The following NEMP2 variants were observed in gnomAD, a reference collection of about 807,000 sequenced individuals.
NEMP2 encodes UPF0571 transmembrane protein.
In NEMP2, 53 loss-of-function variants were observed where a neutral mutation model predicts 54.2. The ratio of observed to expected loss-of-function variants is 0.98; its 90% CI spans 0.78 to 1.23. NEMP2 has a LOEUF of 1.23. NEMP2 is among the 50% of genes most tolerant of loss of function. NEMP2 has a pLI of 0.00. For missense variants in NEMP2, 455 were observed against 511.3 expected (o/e 0.89, Z 1.06); for synonymous variants, 197 against 190.3 (o/e 1.04, Z -0.29).
At chr2:190,619,866 G>T in the NEMP2 span, among the ~76,000 whole-genome samples, 1 of 152,150 alleles carries the variant, frequency 6.6e-6, no homozygotes, top group Non-Finnish European at 1.5e-5. The surrounding 1 kb of genome is among the most constrained non-coding windows in gnomAD (Gnocchi z 5.5). Context: ...GTAACAGAAA[G>T]TTGGAGAATG....
Position 190,513,181 on chromosome 2 carries a change from G to A in NEMP2, c.953+1272C>T, listed in dbSNP as rs1372304326. On this transcript the variant is annotated intron_variant, in intron 7 of 8. Coordinates refer to ENST00000409150, the MANE Select transcript of NEMP2 (RefSeq NM_001142645.2). This position sits in a 1 kb window ranked among gnomAD's most constrained non-coding sequence, Gnocchi z 5.3. The stretch of plus-strand genomic sequence containing the variant: ...CCAATGAGTATTTATGGTCTCTGGT[G>A]TGATTTTTGTTTGTTCAATGTATTT... Among the ~76,000 whole-genome samples the A allele has an allele frequency of 6.6e-6, 1 of 152,156 alleles. No individual in the cohort carries two copies. The highest frequency in any genetic ancestry group is 1.5e-5 in the Non-Finnish European group (1 of 68,020).
chr2:190,557,883 A>C, the NEMP2 span, among the ~76,000 whole-genome samples: 1 of 152,208 alleles, frequency 6.6e-6, no homozygotes, highest in African/African-American at 2.4e-5. Context: ...TGGGAGTGTA[A>C]ATTAGTTCAA....
At chr2:190,600,746 C>T in the NEMP2 span, among the ~76,000 whole-genome samples, 3 of 152,128 alleles carry the variant, frequency 2.0e-5, no homozygotes, top group African/African-American at 2.4e-5. This position sits in a 1 kb window ranked among gnomAD's most constrained non-coding sequence, Gnocchi z 4.9. Context: ...TTGAACCTTC[C>T]AGCCATCAAA....
the NEMP2 span, among the ~76,000 whole-genome samples, chr2:190,459,138 C>T: frequency 5.8e-4 from 89 of 152,262 alleles, no homozygotes; most frequent in African/African-American, 2.1e-3. The surrounding 1 kb of genome is among the most constrained non-coding windows in gnomAD (Gnocchi z 5.3). Flanking sequence ...TCCTTTTTTC[C>T]TCCCTCCATA....
chr2:190,529,584 A>G lies in NEMP2; in HGVS notation c.98-4206T>C, dbSNP rs1283331409. 6.6e-6 allele frequency among the ~76,000 whole-genome samples: 1 copy of G among 152,170 alleles called. No homozygotes were observed. Among genetic ancestry groups the G allele is most frequent in the African/African-American group, 2.4e-5 (1 of 41,446 alleles). On this transcript the variant is annotated intron_variant, in intron 1 of 8. Transcript: ENST00000409150. This position sits in a 1 kb window ranked among gnomAD's most constrained non-coding sequence, Gnocchi z 4.7. Reference sequence around the variant, plus strand: ...CTTTCTTCATATTACATATATATTTATTAGCTTATACTCTGTCTCTCCATG... The same window carrying G: ...CTTTCTTCATATTACATATATATTTGTTAGCTTATACTCTGTCTCTCCATG...
At chr2:190,464,696 G>A in the NEMP2 span, 1 of 159,810 alleles carries the variant, frequency 6.3e-6, no homozygotes, top group Non-Finnish European at 1.3e-5. Context: ...CTCCTGTGTG[G>A]TCCCATTGCA....
At chr2:190,633,568 C>T in the NEMP2 span, among the ~76,000 whole-genome samples, 2 of 152,100 alleles carry the variant, frequency 1.3e-5, no homozygotes, top group East Asian at 3.8e-4. Flanking sequence ...CCTGCCTCAG[C>T]CACCCAAAGT....
chr2:190,561,004 T>C, the NEMP2 span, among the ~76,000 whole-genome samples: 28 of 152,194 alleles, frequency 1.8e-4, no homozygotes, highest in Non-Finnish European at 3.8e-4. The surrounding 1 kb of genome is among the most constrained non-coding windows in gnomAD (Gnocchi z 5.4). Context: ...TTATACACTA[T>C]GTTAATATTT....
At chr2:190,485,718 T>A in the NEMP2 span, among the ~76,000 whole-genome samples, 1 of 152,138 alleles carries the variant, frequency 6.6e-6, no homozygotes, top group Non-Finnish European at 1.5e-5. The surrounding 1 kb of genome is among the most constrained non-coding windows in gnomAD (Gnocchi z 5.1). Context: ...GCAATTGTTT[T>A]GCCAGATAAA....
the NEMP2 span, chr2:190,463,895 T>C: frequency 1.0e-6 from 1 of 984,562 alleles, no homozygotes; most frequent in African/African-American, 1.7e-5. The surrounding 1 kb of genome is among the most constrained non-coding windows in gnomAD (Gnocchi z 4.4). Context: ...CACCATATAC[T>C]GTCTACCATA....
chr2:190,517,708 A>C, intron 4 of NEMP2, 95 bp from the exon 5 acceptor site: 1 of 870,782 alleles, frequency 1.1e-6, no homozygotes, highest in Non-Finnish European at 1.8e-6. Flanking sequence ...CATAAATAAC[A>C]CTAAGAACAG....
the NEMP2 span, among the ~76,000 whole-genome samples, chr2:190,592,332 G>A: frequency 6.6e-6 from 1 of 152,088 alleles, no homozygotes; most frequent in Non-Finnish European, 1.5e-5. The surrounding 1 kb of genome is among the most constrained non-coding windows in gnomAD (Gnocchi z 4.4). Context: ...CATAAATGTT[G>A]TTCTCCCTTC....
At chr2:190,526,366 C>G (rs1690935311) in intron 1 of NEMP2, among the ~76,000 whole-genome samples, 1 of 151,808 alleles carries the variant, frequency 6.6e-6, no homozygotes, top group African/African-American at 2.4e-5. Flanking sequence ...CTTCCAGGCA[C>G]TAAGCGGGGA....
the NEMP2 span, among the ~76,000 whole-genome samples, chr2:190,541,145 C>G: frequency 4.0e-5 from 6 of 149,816 alleles, no homozygotes; most frequent in Non-Finnish European, 8.9e-5. This position sits in a 1 kb window ranked among gnomAD's most constrained non-coding sequence, Gnocchi z 5.2. Flanking sequence ...TCGATTTTAT[C>G]TTTTCAAAAA....
the NEMP2 span, among the ~76,000 whole-genome samples, chr2:190,573,981 G>C: frequency 6.6e-6 from 1 of 152,146 alleles, no homozygotes; most frequent in African/African-American, 2.4e-5. Context: ...ACAAAGCTTG[G>C]AATGGTTAGC....
chr2:190,537,027 A>T (rs1052823210), upstream of NEMP2, among the ~76,000 whole-genome samples: 1 of 152,234 alleles, frequency 6.6e-6, no homozygotes, highest in Non-Finnish European at 1.5e-5. Context: ...AGAAAAAATC[A>T]AGAGGTAAAA....
At position 190,530,776 on chromosome 2, in the gene NEMP2, C is replaced by T. The variant is rs1574318214; in HGVS notation, c.97+3783G>A. On this transcript the variant is annotated intron_variant, in intron 1 of 8. Transcript: ENST00000409150. The surrounding 1 kb of genome is among the most constrained non-coding windows in gnomAD (Gnocchi z 4.6). ...GGCTATGAAGCTGCCTGCATGTCTG[C>T]GGGTTTCATTTATTCATGAGGCCCC... is the stretch of plus-strand genomic sequence containing the variant. 6.6e-6 allele frequency among the ~76,000 whole-genome samples: 1 copy of T among 152,184 alleles called. No homozygotes were observed. Among genetic ancestry groups the T allele is most frequent in the Admixed American group, 6.5e-5 (1 of 15,274 alleles).
chr2:190,596,750 A>G, the NEMP2 span, among the ~76,000 whole-genome samples: 1 of 152,188 alleles, frequency 6.6e-6, no homozygotes, highest in Non-Finnish European at 1.5e-5. This position sits in a 1 kb window ranked among gnomAD's most constrained non-coding sequence, Gnocchi z 5.1. Flanking sequence ...TTCTGATGAA[A>G]TTGTATGGTG....
chr2:190,547,536 T>C, the NEMP2 span, among the ~76,000 whole-genome samples: 1 of 152,218 alleles, frequency 6.6e-6, no homozygotes, highest in Non-Finnish European at 1.5e-5. This position sits in a 1 kb window ranked among gnomAD's most constrained non-coding sequence, Gnocchi z 6.2. Flanking sequence ...TTTTATTCTT[T>C]TGTTTTTGAG....
Sources: gnomAD v4.1 joint callset for allele counts (sites outside exome capture counted in the v4.1 genomes callset) on GRCh38, gnomAD v4.1.1 for gene constraint, Gnocchi (gnomAD v3.1) non-coding constraint, MANE v1.5 for transcripts, NCBI Gene and HGNC (gene_info 2026-07-23, HGNC 2026-07-21) for gene names.